CLMN: variants seen among roughly 807,000 people sequenced by gnomAD.
The protein encoded by CLMN is calmin (calponin-like, transmembrane).
Under a neutral mutation model 92.7 loss-of-function variants are expected in CLMN, and 57 were observed. That is an observed-to-expected ratio of 0.61 (90% CI 0.50 to 0.77). The LOEUF is 0.77. Ranked by LOEUF, CLMN falls within the 30% of genes least tolerant of loss-of-function variation. The pLI is 0.00. For synonymous variants in CLMN, 466 were observed against 470.6 expected, an observed-to-expected ratio of 0.99 and a Z score of 0.13; for missense variants, 1,158 against 1,237.5, an observed-to-expected ratio of 0.94 and a Z score of 0.96.
intron 1 of CLMN, among the ~76,000 whole-genome samples, chr14:95,243,578 G>C (rs1898341313): frequency 6.6e-6 from 1 of 151,482 alleles, no homozygotes; most frequent in Non-Finnish European, 1.5e-5. Context: ...TCCTTTGTTT[G>C]AAGAATCCAG....
chr14:95,204,568 A>T, intron 8 of CLMN, 105 bp from the exon 9 acceptor site: 1 of 1,074,120 alleles, frequency 9.3e-7, no homozygotes, highest in Non-Finnish European at 1.3e-6. Flanking sequence ...TACAACCCAT[A>T]TCCACCTTTC....
chr14:95,209,196 T>C (rs2035960687), intron 8 of CLMN, among the ~76,000 whole-genome samples, 199 bp downstream of exon 8: 1 of 152,200 alleles, frequency 6.6e-6, no homozygotes, highest in African/African-American at 2.4e-5. Flanking sequence ...GGTCTTGAAC[T>C]GTATCCCCCG....
intron 1 of CLMN, among the ~76,000 whole-genome samples, chr14:95,284,119 G>A (rs1900248363): frequency 1.3e-5 from 2 of 152,200 alleles, no homozygotes; most frequent in African/African-American, 2.4e-5. Context: ...TGGTGGAAAG[G>A]GGCCAATGTA....
At chr14:95,279,690 G>A (rs756471615) in intron 1 of CLMN, among the ~76,000 whole-genome samples, 14 of 152,228 alleles carry the variant, frequency 9.2e-5, no homozygotes, top group Non-Finnish European at 1.5e-4. Flanking sequence ...GGATGAGGCA[G>A]GAGAATGGCG....
At chr14:95,303,349 T>C (rs1206603651) in intron 1 of CLMN, among the ~76,000 whole-genome samples, 2 of 152,228 alleles carry the variant, frequency 1.3e-5, no homozygotes, top group Non-Finnish European at 2.9e-5. Flanking sequence ...AAAACAGCAG[T>C]AATCACAACA....
chr14:95,258,257 T>A (rs1225736024), intron 1 of CLMN, among the ~76,000 whole-genome samples: 1 of 150,750 alleles, frequency 6.6e-6, no homozygotes, highest in African/African-American at 2.5e-5. Context: ...TGTATATGTA[T>A]GTATCTGTGA....
chr14:95,280,468 C>T (rs923565193), intron 1 of CLMN, among the ~76,000 whole-genome samples: 1 of 152,118 alleles, frequency 6.6e-6, no homozygotes, highest in African/African-American at 2.4e-5. Flanking sequence ...GCTAAGTCTT[C>T]CCTCTGCTAA....
intron 1 of CLMN, among the ~76,000 whole-genome samples, chr14:95,244,401 T>A (rs1349419620): frequency 6.6e-6 from 1 of 152,164 alleles, no homozygotes; most frequent in Non-Finnish European, 1.5e-5. Flanking sequence ...CAATTATTGG[T>A]CCTAGTTGTG....
intron 1 of CLMN, among the ~76,000 whole-genome samples, chr14:95,258,618 G>A (rs1234309262): frequency 6.8e-6 from 1 of 147,890 alleles, no homozygotes; most frequent in African/African-American, 2.5e-5. Context: ...TGTGCGGAAG[G>A]TGTGTATGTG....
At chr14:95,312,796 G>A (rs1045755183) in intron 1 of CLMN, among the ~76,000 whole-genome samples, 9 of 152,186 alleles carry the variant, frequency 5.9e-5, no homozygotes, top group Non-Finnish European at 1.0e-4. Flanking sequence ...CTTAGTTCTG[G>A]GATGTGGGGG....
At chr14:95,303,928 C>T (rs1901165765) in intron 1 of CLMN, among the ~76,000 whole-genome samples, 1 of 152,254 alleles carries the variant, frequency 6.6e-6, no homozygotes, top group Non-Finnish European at 1.5e-5. Flanking sequence ...GTATGCATTA[C>T]ATATTTAGAT....
chr14:95,278,487 C>T (rs1432560689), intron 1 of CLMN, among the ~76,000 whole-genome samples: 3 of 151,898 alleles, frequency 2.0e-5, no homozygotes, highest in Non-Finnish European at 2.9e-5. Flanking sequence ...AGACTCCTGG[C>T]AAAAAAGGGA....
chr14:95,288,136 C>T (rs1047291827), intron 1 of CLMN, among the ~76,000 whole-genome samples: 5 of 152,224 alleles, frequency 3.3e-5, no homozygotes, highest in Admixed American at 1.3e-4. Context: ...AACCCACGTA[C>T]AATTTCTATA....
At chr14:95,293,821 T>C (rs1900698236) in intron 1 of CLMN, among the ~76,000 whole-genome samples, 1 of 152,138 alleles carries the variant, frequency 6.6e-6, no homozygotes, top group African/African-American at 2.4e-5. Context: ...CTCGGGACCA[T>C]CACACAAACC....
At chr14:95,284,135 C>T (rs139732334) in intron 1 of CLMN, among the ~76,000 whole-genome samples, 1,624 of 152,304 alleles carry the variant, frequency 0.011, 34 homozygotes, top group African/African-American at 0.037. Flanking sequence ...ATGTACAGCT[C>T]AGGCTGTGGC....
chr14:95,221,923 T>G (rs1897555434), intron 3 of CLMN, 149 bp from the exon 4 acceptor site: 1 of 660,190 alleles, frequency 1.5e-6, no homozygotes, highest in African/African-American at 1.8e-5. Flanking sequence ...CTGGAATGCA[T>G]CCAAACCCAC....
intron 6 of CLMN, among the ~76,000 whole-genome samples, 180 bp downstream of exon 6, chr14:95,213,039 G>A (rs898645096): frequency 5.9e-5 from 9 of 152,034 alleles, no homozygotes; most frequent in South Asian, 2.1e-4. Flanking sequence ...CACTCGCCTC[G>A]GCCTCCCAAA....
At chr14:95,318,006 T>G (rs1901870510) in intron 1 of CLMN, among the ~76,000 whole-genome samples, 1 of 152,134 alleles carries the variant, frequency 6.6e-6, no homozygotes, top group South Asian at 2.1e-4. Context: ...CCATCTCAAA[T>G]TGTCCCTATT....
intron 1 of CLMN, among the ~76,000 whole-genome samples, chr14:95,268,794 CTTTTTTTTTTTTTTT>C (rs985091508): frequency 1.6e-5 from 1 of 63,112 alleles, no homozygotes; most frequent in East Asian, 3.4e-4. Flanking sequence ...CTCTCTCTCT[CTTTTTTTTTTTTTTT>C]TTTTTTTTTT....
Sources: gnomAD v4.1 joint callset for allele counts (sites outside exome capture counted in the v4.1 genomes callset) on GRCh38, gnomAD v4.1.1 for gene constraint, MANE v1.5 for transcripts, NCBI Gene and HGNC (gene_info 2026-07-23, HGNC 2026-07-21) for gene names.